GRIA4: variants seen among roughly 807,000 people sequenced by gnomAD.
GRIA4 encodes the protein glutamate ionotropic receptor AMPA type subunit 4.
In GRIA4, 34 loss-of-function variants were observed where a neutral mutation model predicts 104.0. The observed-to-expected ratio is 0.33, with a 90% confidence interval of 0.25 to 0.44. The LOEUF (loss-of-function observed/expected upper bound fraction) is 0.44. Ranked by LOEUF, GRIA4 falls within the 20% of genes least tolerant of loss-of-function variation. The pLI is 1.00. For synonymous variants in GRIA4, 386 were observed against 381.9 expected, an observed-to-expected ratio of 1.01 and a Z score of -0.13; for missense variants, 750 against 1,096.5, an observed-to-expected ratio of 0.68 and a Z score of 4.46.
intron 4 of GRIA4, among the ~76,000 whole-genome samples, chr11:105,848,182 G>T (rs1335747415): frequency 6.6e-6 from 1 of 152,112 alleles, no homozygotes; most frequent in Non-Finnish European, 1.5e-5. Context: ...AATAGCCTTT[G>T]TCTAAATGTA....
chr11:105,659,676 A>C (rs1039434342), intron 3 of GRIA4, among the ~76,000 whole-genome samples: 3 of 151,850 alleles, frequency 2.0e-5, no homozygotes, highest in African/African-American at 7.2e-5. Flanking sequence ...GCTTAAACTA[A>C]AGCTTGTTAA....
At chr11:105,722,422 T>TAC (rs1937886380) in intron 3 of GRIA4, among the ~76,000 whole-genome samples, 1 of 152,160 alleles carries the variant, frequency 6.6e-6, no homozygotes, top group Non-Finnish European at 1.5e-5. Context: ...TGATTTGTTC[T>TAC]ACTTATAATC....
intron 4 of GRIA4, among the ~76,000 whole-genome samples, chr11:105,753,698 GA>G (rs1295711406): frequency 6.6e-6 from 1 of 152,082 alleles, no homozygotes; most frequent in Non-Finnish European, 1.5e-5. Context: ...CATCACTTTG[GA>G]AGCCAACCAG....
chr11:105,676,601 A>C (rs1038942856), intron 3 of GRIA4, among the ~76,000 whole-genome samples: 2 of 151,854 alleles, frequency 1.3e-5, no homozygotes, highest in African/African-American at 4.8e-5. Context: ...AAATGTATAT[A>C]TAAATTGATA....
At chr11:105,894,843 ACT>A (rs1946590938) in intron 6 of GRIA4, among the ~76,000 whole-genome samples, 1 of 135,832 alleles carries the variant, frequency 7.4e-6, no homozygotes, top group African/African-American at 2.8e-5. Flanking sequence ...CCCAGGCTGG[ACT>A]GCGGACTGCA....
intron 3 of GRIA4, among the ~76,000 whole-genome samples, chr11:105,638,689 C>G (rs1951276623): frequency 6.6e-6 from 1 of 151,986 alleles, no homozygotes; most frequent in South Asian, 2.1e-4. Flanking sequence ...TTCAATGTCT[C>G]TTAATTGATC....
chr11:105,723,253 G>C (rs868068098), intron 3 of GRIA4, among the ~76,000 whole-genome samples: 2 of 151,976 alleles, frequency 1.3e-5, no homozygotes, highest in Non-Finnish European at 2.9e-5. Context: ...GAGTGTAATG[G>C]GCTCTTTAAA....
intron 4 of GRIA4, among the ~76,000 whole-genome samples, chr11:105,826,267 T>G (rs1037088474): frequency 6.6e-6 from 1 of 152,006 alleles, no homozygotes; most frequent in Non-Finnish European, 1.5e-5. Context: ...CTCTCACTTT[T>G]CATTTCAATC....
intron 7 of GRIA4, among the ~76,000 whole-genome samples, chr11:105,902,188 A>T (rs1159437691): frequency 6.6e-6 from 1 of 152,190 alleles, no homozygotes; most frequent in Non-Finnish European, 1.5e-5. Context: ...TTCTAATACA[A>T]GAGTTATATC....
intron 14 of GRIA4, among the ~76,000 whole-genome samples, chr11:105,947,659 T>A (rs1424477387): frequency 3.3e-5 from 5 of 152,166 alleles, no homozygotes; most frequent in African/African-American, 1.2e-4. Context: ...TTAAAATAGT[T>A]CATGAAAGTG....
intron 6 of GRIA4, among the ~76,000 whole-genome samples, chr11:105,896,417 T>G (rs569893358): frequency 6.6e-6 from 1 of 152,312 alleles, no homozygotes; most frequent in South Asian, 2.1e-4. Context: ...GTGCAGAAGC[T>G]CTTTAGTTTA....
At chr11:105,640,136 G>A (rs556777448) in intron 3 of GRIA4, among the ~76,000 whole-genome samples, 1 of 151,908 alleles carries the variant, frequency 6.6e-6, no homozygotes, top group African/African-American at 2.4e-5. Context: ...TCTGACAAAT[G>A]ATCTGATGCA....
chr11:105,617,580 G>A (rs369437567), intron 3 of GRIA4, among the ~76,000 whole-genome samples: 1 of 151,988 alleles, frequency 6.6e-6, no homozygotes, highest in African/African-American at 2.4e-5. Flanking sequence ...GCAAAATTTT[G>A]AAGAAAACAG....
In GRIA4 at chr11:105,953,155, A is replaced by C. The variant is rs188222470; in HGVS notation, c.2295-18759A>C. Among the ~76,000 whole-genome samples the C allele has an allele frequency of 3.8e-3, 580 of 152,356 alleles. 3 individuals are homozygous for C. Among genetic ancestry groups the C allele is most frequent in the South Asian group, 9.7e-3 (47 of 4,828 alleles). On this transcript the variant is annotated intron_variant, in intron 14 of 16. Coordinates refer to ENST00000282499, the MANE Select transcript of GRIA4 (RefSeq NM_000829.4). ...GAAAACTGGCTACTCTTCGAGGCTA[A>C]ATAGTTGATAAAGGGTAGAATTGCG...
chr11:105,649,400 A>C (rs1214186526), intron 3 of GRIA4, among the ~76,000 whole-genome samples: 6 of 152,188 alleles, frequency 3.9e-5, no homozygotes, highest in Non-Finnish European at 5.9e-5. Flanking sequence ...GTGTGCCATT[A>C]AGATTATTTC....
At chr11:105,882,628 T>C (rs1023075291) in intron 5 of GRIA4, among the ~76,000 whole-genome samples, 7 of 152,176 alleles carry the variant, frequency 4.6e-5, no homozygotes, top group African/African-American at 1.7e-4. Flanking sequence ...AAGCAAGTGA[T>C]ATCACTTCTT....
chr11:105,959,970 C>G (rs1948693641), intron 14 of GRIA4, among the ~76,000 whole-genome samples: 1 of 152,210 alleles, frequency 6.6e-6, no homozygotes, highest in Non-Finnish European at 1.5e-5. Flanking sequence ...TGGAAAGCAG[C>G]CAGGATGGCT....
chr11:105,685,814 A>G (rs1591559334), intron 3 of GRIA4, among the ~76,000 whole-genome samples: 1 of 4,228 alleles, frequency 2.4e-4, no homozygotes, highest in South Asian at 0.17. Context: ...AAACAGAGGC[A>G]TCAATCAAAA....
chr11:105,612,639 TTTTC>T (rs1950510193), intron 3 of GRIA4: 1 of 510,920 alleles, frequency 2.0e-6, no homozygotes, highest in Non-Finnish European at 3.4e-6. Flanking sequence ...TTTATTTTTC[TTTTC>T]TTTCTTCTCC....
Sources: gnomAD v4.1 joint callset for allele counts (sites outside exome capture counted in the v4.1 genomes callset) on GRCh38, gnomAD v4.1.1 for gene constraint, MANE v1.5 for transcripts, NCBI Gene and HGNC (gene_info 2026-07-23, HGNC 2026-07-21) for gene names.